Variants in DSCAM observed in about 807,000 individuals in gnomAD.
The protein encoded by DSCAM is cell adhesion molecule DSCAM.
A neutral mutation model predicts 217.7 loss-of-function variants in DSCAM; 47 were observed. The observed-to-expected ratio is 0.22, with a 90% CI of 0.17 to 0.28. DSCAM has a LOEUF of 0.28. Ranked by LOEUF, DSCAM falls within the 10% of genes least tolerant of loss-of-function variation. The pLI is 1.00. For missense variants in DSCAM, 2,080 were observed against 2,618.3 expected (o/e 0.79, Z 4.49); for synonymous variants, 1,056 against 1,015.3 (o/e 1.04, Z -0.76).
intron 32 of DSCAM, among the ~76,000 whole-genome samples, chr21:40,019,610 T>C (rs2088225778): frequency 6.6e-6 from 1 of 152,186 alleles, no homozygotes; most frequent in Non-Finnish European, 1.5e-5. Context: ...AGTTCTCCCA[T>C]GCAGTGAAAA....
intron 3 of DSCAM, among the ~76,000 whole-genome samples, chr21:40,432,257 G>A (rs1361919553): frequency 9.2e-6 from 1 of 108,220 alleles, no homozygotes; most frequent in Non-Finnish European, 2.2e-5. Context: ...TCTTCTGATA[G>A]TCAAAAGGCT....
chr21:40,133,527 C>A (rs907013532), intron 19 of DSCAM, among the ~76,000 whole-genome samples: 4 of 151,296 alleles, frequency 2.6e-5, no homozygotes, highest in Non-Finnish European at 5.9e-5. Flanking sequence ...ATTATTCTAA[C>A]AAGATACAAA....
intron 19 of DSCAM, among the ~76,000 whole-genome samples, chr21:40,133,485 G>C (rs1366942784): frequency 6.6e-6 from 1 of 152,108 alleles, no homozygotes; most frequent in African/African-American, 2.4e-5. Flanking sequence ...GATTTAATCA[G>C]AGTTTACACT....
chr21:40,013,932 C>T (rs865927977), intron 32 of DSCAM, among the ~76,000 whole-genome samples: 1 of 152,232 alleles, frequency 6.6e-6, no homozygotes, highest in Non-Finnish European at 1.5e-5. Context: ...GCCTTCTTAC[C>T]AGGCCCTGCC....
chr21:40,741,771 A>AT, intron 1 of DSCAM, among the ~76,000 whole-genome samples: 1 of 152,286 alleles, frequency 6.6e-6, no homozygotes, highest in Non-Finnish European at 1.5e-5. Flanking sequence ...TGAGATTTTT[A>AT]TTTTTTAAAA....
At chr21:40,424,315 G>A (rs2075451910) in intron 3 of DSCAM, among the ~76,000 whole-genome samples, 1 of 152,182 alleles carries the variant, frequency 6.6e-6, no homozygotes, top group African/African-American at 2.4e-5. Flanking sequence ...AGGCCATTAG[G>A]ATGGGTGCCA....
At chr21:40,793,233 A>G (rs931246236) in intron 1 of DSCAM, among the ~76,000 whole-genome samples, 5 of 152,196 alleles carry the variant, frequency 3.3e-5, no homozygotes, top group African/African-American at 1.2e-4. Flanking sequence ...ACCACGTGCC[A>G]AGAAGTGGCT....
At chr21:40,845,565 C>G (rs1290073325) in intron 1 of DSCAM, among the ~76,000 whole-genome samples, 5 of 150,660 alleles carry the variant, frequency 3.3e-5, no homozygotes, top group South Asian at 2.1e-4. Context: ...CTCTCTCTCT[C>G]TCTCTGTCTC....
chr21:40,343,845 T>G (rs1258284090), intron 6 of DSCAM, among the ~76,000 whole-genome samples: 1 of 150,584 alleles, frequency 6.6e-6, no homozygotes, highest in Non-Finnish European at 1.5e-5. Context: ...TATTTATTAT[T>G]ATTTTATTTC....
chr21:40,169,047 TAAC>T (rs376303804), intron 15 of DSCAM, among the ~76,000 whole-genome samples: 86 of 152,186 alleles, frequency 5.7e-4, no homozygotes, highest in African/African-American at 6.0e-4. Flanking sequence ...GGGAGAAATT[TAAC>T]AACAACAACA....
chr21:40,116,725 G>A (rs528899208), intron 20 of DSCAM, among the ~76,000 whole-genome samples: 15 of 151,298 alleles, frequency 9.9e-5, no homozygotes, highest in East Asian at 7.8e-4. Flanking sequence ...AGATTCGACC[G>A]GGCGCGGTGG....
chr21:40,672,878 T>C (rs569859231), intron 3 of DSCAM, among the ~76,000 whole-genome samples: 15 of 152,254 alleles, frequency 9.9e-5, no homozygotes, highest in African/African-American at 3.6e-4. Context: ...TCTGTCCCCA[T>C]GTCTGCCACT....
At chr21:40,531,256 G>T (rs1010550495) in intron 3 of DSCAM, among the ~76,000 whole-genome samples, 3 of 152,152 alleles carry the variant, frequency 2.0e-5, no homozygotes, top group African/African-American at 7.2e-5. Context: ...CCCCAAGGCT[G>T]CTGCCGGTCT....
chr21:40,710,411 T>C (rs2090767245), intron 1 of DSCAM, among the ~76,000 whole-genome samples: 1 of 152,244 alleles, frequency 6.6e-6, no homozygotes, highest in Non-Finnish European at 1.5e-5. Flanking sequence ...TATATAATTA[T>C]ATCATGTTAA....
intron 9 of DSCAM, among the ~76,000 whole-genome samples, chr21:40,308,640 C>T (rs1225008343): frequency 1.3e-5 from 2 of 152,166 alleles, no homozygotes; most frequent in Non-Finnish European, 2.9e-5. Context: ...TCTATTTGGG[C>T]TCTGCACTCT....
chr21:40,566,057 C>A (rs2076762231), intron 3 of DSCAM, among the ~76,000 whole-genome samples: 1 of 152,082 alleles, frequency 6.6e-6, no homozygotes, highest in African/African-American at 2.4e-5. Flanking sequence ...ACTCTGTAAA[C>A]CCTCTCTGCT....
At chr21:40,726,783 T>G (rs530976493) in intron 1 of DSCAM, among the ~76,000 whole-genome samples, 1 of 152,192 alleles carries the variant, frequency 6.6e-6, no homozygotes, top group East Asian at 1.9e-4. Flanking sequence ...GGTAGAGCCT[T>G]TAAGAGGTTA....
chr21:40,067,286 T>G (rs1842545049), intron 27 of DSCAM, among the ~76,000 whole-genome samples: 1 of 152,228 alleles, frequency 6.6e-6, no homozygotes, highest in African/African-American at 2.4e-5. Flanking sequence ...AACTCCTAAG[T>G]TGAACCATAG....
intron 3 of DSCAM, among the ~76,000 whole-genome samples, chr21:40,485,237 CTTTTT>C (rs59901955): frequency 2.8e-5 from 3 of 108,178 alleles, no homozygotes; most frequent in African/African-American, 3.7e-5. Context: ...GACTTTCTTT[CTTTTT>C]TTTTTTTTTT....
Sources: allele counts gnomAD v4.1 joint callset (sites outside exome capture counted in the v4.1 genomes callset), GRCh38; gene constraint gnomAD v4.1.1; transcripts MANE v1.5; gene names NCBI Gene and HGNC (gene_info 2026-07-23, HGNC 2026-07-21).